Variants in MEIS2 observed in about 807,000 individuals in gnomAD.
MEIS2 encodes the protein homeobox protein Meis2.
In MEIS2, 9 loss-of-function variants were observed where a neutral mutation model predicts 58.6. The observed-to-expected ratio is 0.15, with a 90% CI of 0.09 to 0.27. The LOEUF is 0.27. Ranked by LOEUF, MEIS2 falls within the 10% of genes least tolerant of loss-of-function variation. The probability of loss-of-function intolerance (pLI) is 1.00; values close to 1 mark genes in which losing one functional copy is unlikely to be tolerated. For missense variants in MEIS2, 427 were observed against 635.0 expected, an observed-to-expected ratio of 0.67 and a Z score of 3.52; for synonymous variants, 221 against 228.4, an observed-to-expected ratio of 0.97 and a Z score of 0.29.
intron 7 of MEIS2, among the ~76,000 whole-genome samples, chr15:37,042,521 C>A (rs1174818239): frequency 1.3e-5 from 2 of 152,226 alleles, no homozygotes; most frequent in African/African-American, 4.8e-5. Context: ...ATGGCAACTT[C>A]AAGTCAGTGC....
chr15:36,958,833 A>G (rs2059082960), intron 8 of MEIS2, among the ~76,000 whole-genome samples: 1 of 152,196 alleles, frequency 6.6e-6, no homozygotes, highest in African/African-American at 2.4e-5. Flanking sequence ...GCCTTGACTC[A>G]TTTAACAATC....
intron 9 of MEIS2, among the ~76,000 whole-genome samples, chr15:36,937,770 A>C (rs2058229083): frequency 6.6e-6 from 1 of 152,260 alleles, no homozygotes; most frequent in South Asian, 2.1e-4. Flanking sequence ...AGAGAAACAA[A>C]CAAACAAAAA....
At chr15:37,002,090 A>T (rs184356181) in intron 8 of MEIS2, among the ~76,000 whole-genome samples, 371 of 152,260 alleles carry the variant, frequency 2.4e-3, no homozygotes, top group African/African-American at 8.5e-3. Flanking sequence ...TCTCCACCCA[A>T]TTATATCTGA....
chr15:37,058,942 GA>G (rs10706699), intron 7 of MEIS2, among the ~76,000 whole-genome samples: 92,774 of 152,012 alleles, frequency 0.61, 29,300 homozygotes, highest in Non-Finnish European at 0.69. Flanking sequence ...ATTACAAATA[GA>G]AAAAAATGAT....
At chr15:36,971,925 A>C (rs914771136) in intron 8 of MEIS2, among the ~76,000 whole-genome samples, 1 of 152,184 alleles carries the variant, frequency 6.6e-6, no homozygotes, top group African/African-American at 2.4e-5. Flanking sequence ...CATTTCACTG[A>C]TCCCTGTCAT....
intron 8 of MEIS2, among the ~76,000 whole-genome samples, chr15:37,031,730 G>C (rs1330901642): frequency 6.6e-6 from 1 of 151,544 alleles, no homozygotes; most frequent in African/African-American, 2.4e-5. Context: ...TATGAAGAGG[G>C]GACAAAGCAT....
At chr15:37,069,485 C>G (rs1397050639) in intron 7 of MEIS2, among the ~76,000 whole-genome samples, 1 of 152,212 alleles carries the variant, frequency 6.6e-6, no homozygotes, top group Non-Finnish European at 1.5e-5. Flanking sequence ...CCACAAGCCT[C>G]TTCTTGGTCA....
intron 8 of MEIS2, among the ~76,000 whole-genome samples, chr15:36,955,516 G>C (rs993705097): frequency 6.6e-6 from 1 of 152,084 alleles, no homozygotes; most frequent in Admixed American, 6.5e-5. Context: ...ACTGTGCTTG[G>C]GACGCAGTCT....
At chr15:37,095,465 G>C (rs1461807711) in intron 4 of MEIS2, 99 bp downstream of exon 4, 25 of 1,564,382 alleles carry the variant, frequency 1.6e-5, no homozygotes, top group Non-Finnish European at 2.1e-5. Flanking sequence ...TCCAAAAGAG[G>C]GTTCTGTTCT....
At chr15:36,942,487 G>A (rs1276968678) in intron 9 of MEIS2, among the ~76,000 whole-genome samples, 1 of 152,052 alleles carries the variant, frequency 6.6e-6, no homozygotes, top group African/African-American at 2.4e-5. Flanking sequence ...TCTTATACTT[G>A]AAAAATCCAA....
At chr15:37,010,077 GT>G (rs1176902974) in intron 8 of MEIS2, among the ~76,000 whole-genome samples, 4 of 151,686 alleles carry the variant, frequency 2.6e-5, no homozygotes, top group African/African-American at 7.2e-5. Flanking sequence ...AGCACTGTGG[GT>G]TTTTTTTGTT....
In MEIS2 at chr15:36,891,387, T is replaced by C. The variant is rs577987442; in HGVS notation, c.*786A>G. 3.4e-5 allele frequency: 5 copies of C among 146,208 alleles called. No individual in the cohort carries two copies. The South Asian group carries it at 9.1e-4, about 26-fold the overall frequency. 9.1% of individuals were successfully genotyped at this position (146,208 alleles called of 1,614,324 possible). ...TGAGTTTCTGATAAAGTCCTAGTTA[T>C]GGTTCAATGACCATTAATAACTTTT... On this transcript the variant is annotated 3_prime_UTR_variant, in exon 12 of 12. Coordinates refer to ENST00000561208, the MANE Select transcript of MEIS2 (RefSeq NM_170675.5).
At chr15:36,979,532 T>A (rs2059863740) in intron 8 of MEIS2, among the ~76,000 whole-genome samples, 1 of 151,626 alleles carries the variant, frequency 6.6e-6, no homozygotes, top group African/African-American at 2.4e-5. Flanking sequence ...TGGGATAAAC[T>A]TTTTTTTCAT....
intron 7 of MEIS2, among the ~76,000 whole-genome samples, chr15:37,043,770 C>T (rs538896292): frequency 6.6e-6 from 1 of 150,774 alleles, no homozygotes; most frequent in Non-Finnish European, 1.5e-5. Context: ...TCACCGCAAC[C>T]TCCACCTCCC....
In MEIS2 at chr15:37,099,838, G is replaced by C. The variant is rs1894891815; in HGVS notation, c.-372C>G. The C allele has an allele frequency of 4.8e-6, 1 of 208,638 alleles. No homozygotes were observed. Among genetic ancestry groups the C allele is most frequent in the South Asian group, 1.3e-4 (1 of 7,978 alleles). The allele number at this position is 208,638 out of a possible 1,614,324, so 12.9% of individuals were successfully genotyped here. A position where few individuals can be genotyped will look rare whatever the true frequency, so the allele number is the denominator to read the frequency against. The stretch of plus-strand genomic sequence containing the variant: ...AGAAAGAAAAGAAAAAGAAGAAAAA[G>C]AAGAAAAAAATTGTCAAGCCCCCGA... On this transcript the variant is annotated 5_prime_UTR_variant, in exon 1 of 12. Transcript: ENST00000561208.
At chr15:37,095,808 T>C (rs1364095425) in intron 3 of MEIS2, 194 bp from the exon 4 acceptor site, 4 of 737,442 alleles carry the variant, frequency 5.4e-6, no homozygotes, top group Admixed American at 5.5e-5. Context: ...CTGGCCCCAT[T>C]AAGGGGGACC....
intron 8 of MEIS2, among the ~76,000 whole-genome samples, chr15:36,968,494 G>A (rs1050536179): frequency 3.9e-5 from 6 of 152,150 alleles, no homozygotes; most frequent in Admixed American, 1.3e-4. Context: ...GTGGAGAGGC[G>A]ATTAAAGTTA....
chr15:37,041,689 T>C (rs1336296186), intron 7 of MEIS2, among the ~76,000 whole-genome samples: 1 of 152,128 alleles, frequency 6.6e-6, no homozygotes, highest in African/African-American at 2.4e-5. Context: ...GTCGGCACAC[T>C]ATGAGAGGAT....
At chr15:36,892,993 G>C (rs1166289049) in intron 11 of MEIS2, among the ~76,000 whole-genome samples, 1 of 152,056 alleles carries the variant, frequency 6.6e-6, no homozygotes, top group Non-Finnish European at 1.5e-5. Context: ...TTTTGAATTA[G>C]AGGCATTCCT....
Sources: gnomAD v4.1 joint callset for allele counts (sites outside exome capture counted in the v4.1 genomes callset) on GRCh38, gnomAD v4.1.1 for gene constraint, MANE v1.5 for transcripts, NCBI Gene and HGNC (gene_info 2026-07-23, HGNC 2026-07-21) for gene names.